The following SHROOM3 variants were observed in gnomAD, a reference collection of about 807,000 sequenced individuals.
SHROOM3 encodes protein Shroom3.
SHROOM3 carries 47 observed loss-of-function variants against 138.6 expected under a neutral mutation model. That is an observed-to-expected ratio of 0.34 (90% CI 0.27 to 0.43). The LOEUF (loss-of-function observed/expected upper bound fraction) is 0.43, where lower values mean the gene tolerates loss of function less well. SHROOM3 is among the 20% of genes least tolerant of loss of function. The pLI, the probability that SHROOM3 is intolerant of heterozygous loss-of-function variation, is 1.00. For synonymous variants in SHROOM3, 1,062 were observed against 1,063.3 expected, an observed-to-expected ratio of 1.00 and a Z score of 0.02; for missense variants, 2,491 against 2,596.5, an observed-to-expected ratio of 0.96 and a Z score of 0.88.
intron 3 of SHROOM3, among the ~76,000 whole-genome samples, chr4:76,730,422 C>A (rs969206116): frequency 6.6e-6 from 1 of 152,126 alleles, no homozygotes; most frequent in Admixed American, 6.5e-5. Context: ...GAATTGCGGG[C>A]TCCCATTTTT....
At chr4:76,463,754 TG>T (rs1007084997) in intron 1 of SHROOM3, among the ~76,000 whole-genome samples, 2 of 152,146 alleles carry the variant, frequency 1.3e-5, no homozygotes, top group African/African-American at 4.8e-5. Context: ...CAAGGCTAAA[TG>T]GGGTCAGGGT....
chr4:76,760,387 C>A (rs576209898), intron 9 of SHROOM3, among the ~76,000 whole-genome samples: 5 of 152,332 alleles, frequency 3.3e-5, no homozygotes, highest in African/African-American at 1.2e-4. Flanking sequence ...CTTCCACTTT[C>A]TCTATAGCAC....
At chr4:76,464,439 A>G (rs1258931717) in intron 1 of SHROOM3, among the ~76,000 whole-genome samples, 1 of 152,126 alleles carries the variant, frequency 6.6e-6, no homozygotes, top group Non-Finnish European at 1.5e-5. Context: ...GCTCATAGGC[A>G]GAAGGGACTT....
chr4:76,554,310 T>A (rs900975266), intron 1 of SHROOM3, among the ~76,000 whole-genome samples: 3 of 152,222 alleles, frequency 2.0e-5, no homozygotes, highest in African/African-American at 7.2e-5. Flanking sequence ...CAGTGCTGAA[T>A]AATATTCCAT....
intron 1 of SHROOM3, among the ~76,000 whole-genome samples, chr4:76,533,951 G>C (rs1215267969): frequency 6.6e-6 from 1 of 152,148 alleles, no homozygotes; most frequent in African/African-American, 2.4e-5. Context: ...CAAATATTTA[G>C]CTCTATGACC....
intron 2 of SHROOM3, among the ~76,000 whole-genome samples, chr4:76,696,092 GA>G (rs1719716190): frequency 6.6e-6 from 1 of 152,170 alleles, no homozygotes; most frequent in Non-Finnish European, 1.5e-5. Flanking sequence ...CTCTGATGGG[GA>G]AAAAATAAAT....
intron 10 of SHROOM3, among the ~76,000 whole-genome samples, chr4:76,772,577 ACT>A (rs1346956952): frequency 6.6e-6 from 1 of 152,116 alleles, no homozygotes; most frequent in Non-Finnish European, 1.5e-5. Flanking sequence ...CTGCAGCGCC[ACT>A]CTCAGCATCT....
chr4:76,739,595 G>C lies in SHROOM3; in HGVS notation c.1422G>C (p.Glu474Asp), dbSNP rs1400061305. The C allele has an allele frequency of 6.2e-7, 1 of 1,614,194 alleles. No homozygotes were observed. The change falls in exon 5 of 11, where the codon GAG becomes GAC. Residue 474 changes from glutamate (E) to aspartate (D), a missense_variant. Physicochemically the swap from Glu to Asp is conservative, Grantham distance 45. Around this residue, in one of 4 missense-constraint regions of SHROOM3, gnomAD observed 1,733 missense variants for 1,661.6 expected, o/e 1.04. Transcript: ENST00000296043. ...GCATCTACCCGGTACCTTCCCTGGA[G>C]CCACACTTTGCCCAGGTGCCTCAGC... ...PTSIYPVPSL[E>D]PHFAQVPQPS... is the part of the protein sequence containing the mutation.
Position 76,740,065 on chromosome 4 carries a change from A to G in SHROOM3, c.1892A>G (p.Gln631Arg). 6.2e-7 allele frequency: 1 copy of G among 1,613,762 alleles called. No individual in the cohort carries two copies. The highest frequency in any genetic ancestry group is 8.5e-7 in the Non-Finnish European group (1 of 1,180,018). Residue 631 changes from glutamine to arginine, a missense_variant, in exon 5 of 11, where the codon CAG (glutamine) becomes CGG (arginine). Around this residue, in one of 4 missense-constraint regions of SHROOM3, gnomAD observed 1,733 missense variants for 1,661.6 expected, o/e 1.04. Coordinates refer to ENST00000296043, the MANE Select transcript of SHROOM3 (RefSeq NM_020859.4). This position sits in a 1 kb window ranked among gnomAD's most constrained non-coding sequence, Gnocchi z 4.0. Reference protein sequence around the residue: ...RLSEPWEGDFQEDHNANLWRR... With the variant: ...RLSEPWEGDFREDHNANLWRR... Reference sequence around the variant, plus strand: ...TCAGAGCCCTGGGAGGGCGATTTCCAGGAAGACCACAATGCCAACCTCTGG... The same window carrying G: ...TCAGAGCCCTGGGAGGGCGATTTCCGGGAAGACCACAATGCCAACCTCTGG...
intron 2 of SHROOM3, among the ~76,000 whole-genome samples, chr4:76,705,830 A>T (rs998797700): frequency 1.3e-5 from 2 of 152,188 alleles, no homozygotes; most frequent in African/African-American, 4.8e-5. Flanking sequence ...TTTTGCCAAC[A>T]AGTTAACTTG....
intron 1 of SHROOM3, among the ~76,000 whole-genome samples, chr4:76,526,322 G>A (rs1465050550): frequency 1.3e-5 from 2 of 152,120 alleles, no homozygotes; most frequent in Non-Finnish European, 2.9e-5. Flanking sequence ...AGCTGAGATC[G>A]TGCACTGCAC....
At chr4:76,598,026 CT>C (rs11307449) in intron 2 of SHROOM3, among the ~76,000 whole-genome samples, 74,948 of 137,382 alleles carry the variant, frequency 0.55, 20,633 homozygotes, top group East Asian at 0.83. Context: ...AAATCTATGA[CT>C]TTTTTTTTTT....
At chr4:76,683,149 C>T (rs1339761260) in intron 2 of SHROOM3, among the ~76,000 whole-genome samples, 1 of 152,100 alleles carries the variant, frequency 6.6e-6, no homozygotes, top group Non-Finnish European at 1.5e-5. Flanking sequence ...TAGGCTGTGA[C>T]ATGCCCAAGT....
chr4:76,674,797 C>T (rs59993999), intron 2 of SHROOM3, among the ~76,000 whole-genome samples: 78 of 152,086 alleles, frequency 5.1e-4, no homozygotes, highest in Middle Eastern at 3.4e-3. Flanking sequence ...TCAAGTGATC[C>T]GCCTGCCTCG....
rs902233728 is a variant in SHROOM3, at chr4:76,741,352, T to C, written c.3179T>C (p.Leu1060Pro). ...PESSVADRRR[L>P]FERDGKACST... is the part of the protein sequence containing the mutation. ...AGCAGCGTGGCCGACCGGCGCCGTC[T>C]CTTCGAGCGCGATGGCAAGGCCTGC... The change falls in exon 5 of 11, where the codon CTC (leucine) becomes CCC (proline). Residue 1060 changes from leucine (L) to proline (P), a missense_variant. By Grantham distance (98) the Leu-to-Pro change is moderately conservative. Around this residue, in one of 4 missense-constraint regions of SHROOM3, gnomAD observed 1,733 missense variants for 1,661.6 expected, o/e 1.04. Coordinates refer to ENST00000296043, the MANE Select transcript of SHROOM3 (RefSeq NM_020859.4). This position sits in a 1 kb window ranked among gnomAD's most constrained non-coding sequence, Gnocchi z 6.2. The C allele has an allele frequency of 5.6e-6, 9 of 1,609,386 alleles. No individual in the cohort carries two copies. The highest frequency in any genetic ancestry group is 1.3e-5 in the African/African-American group (1 of 74,996).
At chr4:76,727,256 T>C (rs1425981376) in intron 3 of SHROOM3, among the ~76,000 whole-genome samples, 3 of 152,196 alleles carry the variant, frequency 2.0e-5, no homozygotes, top group Non-Finnish European at 4.4e-5. Flanking sequence ...GGCTGGGCTT[T>C]TGCTATGTGA....
chr4:76,638,469 C>T (rs767023444), intron 2 of SHROOM3, among the ~76,000 whole-genome samples: 14 of 152,046 alleles, frequency 9.2e-5, no homozygotes, highest in African/African-American at 1.7e-4. Flanking sequence ...GGATCGCTTG[C>T]GCCTAGGAGT....
chr4:76,501,774 G>T (rs1388731744), intron 1 of SHROOM3, among the ~76,000 whole-genome samples: 1 of 152,180 alleles, frequency 6.6e-6, no homozygotes, highest in African/African-American at 2.4e-5. Context: ...AAACACATCT[G>T]CATGCCAGCA....
intron 2 of SHROOM3, among the ~76,000 whole-genome samples, chr4:76,694,267 G>C (rs548011733): frequency 6.6e-6 from 1 of 152,180 alleles, no homozygotes; most frequent in East Asian, 1.9e-4. Context: ...ACCCTCAAGG[G>C]TTCATAGACA....
Sources: allele counts gnomAD v4.1 joint callset (sites outside exome capture counted in the v4.1 genomes callset), GRCh38; gene constraint gnomAD v4.1.1; regional missense constraint gnomAD v4.1.1; non-coding constraint Gnocchi (gnomAD v3.1); transcripts MANE v1.5; gene names NCBI Gene and HGNC (gene_info 2026-07-23, HGNC 2026-07-21).